MCUB: variants seen among roughly 807,000 people sequenced by gnomAD.
The protein encoded by MCUB is mitochondrial calcium uniporter dominant negative subunit beta.
MCUB carries 46 observed loss-of-function variants against 41.4 expected under a neutral mutation model. The observed-to-expected ratio is 1.11, with a 90% CI of 0.88 to 1.42. MCUB has a LOEUF of 1.42. Among genes scored for constraint, MCUB ranks in the 40% most tolerant of loss-of-function variants. The pLI is 0.00. For synonymous variants in MCUB, 148 were observed against 148.2 expected (o/e 1.00, Z 0.01); for missense variants, 403 against 404.9 (o/e 1.00, Z 0.04).
chr4:109,611,572 TAAC>T (rs1728008285), intron 1 of MCUB, among the ~76,000 whole-genome samples: 2 of 152,204 alleles, frequency 1.3e-5, no homozygotes, highest in South Asian at 4.1e-4. Context: ...CCCTATTGTT[TAAC>T]AACAAAAAAA....
intron 4 of MCUB, among the ~76,000 whole-genome samples, chr4:109,675,340 C>CTA (rs1350260344): frequency 1.3e-5 from 2 of 152,232 alleles, no homozygotes; most frequent in African/African-American, 4.8e-5. Flanking sequence ...CTCTTCTCAA[C>CTA]TAGGCGTTAA....
At chr4:109,670,870 G>A (rs1033061136) in intron 4 of MCUB, among the ~76,000 whole-genome samples, 4 of 152,094 alleles carry the variant, frequency 2.6e-5, no homozygotes, top group Non-Finnish European at 5.9e-5. Context: ...TCACAAAAGT[G>A]TGGGAATGCG....
intron 1 of MCUB, among the ~76,000 whole-genome samples, chr4:109,642,504 C>T (rs1457388450): frequency 3.3e-5 from 5 of 152,156 alleles, no homozygotes; most frequent in Non-Finnish European, 7.3e-5. Context: ...TGTTAGCTGT[C>T]GCTTTTATAC....
rs148256809 is a variant in MCUB at position 109,649,219 on chromosome 4, A to G, written c.100-9792A>G. ...TGATATCAGACAAATGTGGATATCT[A>G]TCTACCACCTTATTCTGTGCATTCT... On this transcript the variant is annotated intron_variant, in intron 1 of 7. Transcript: ENST00000394650. 3.5e-3 allele frequency among the ~76,000 whole-genome samples: 531 copies of G among 152,276 alleles called. 6 individuals carry two copies. Among genetic ancestry groups the G allele is most frequent in the South Asian group, 0.016 (79 of 4,824 alleles).
At chr4:109,685,075 TAAATG>T (rs952623926) in intron 6 of MCUB, 171 bp from the exon 7 acceptor site, 32 of 475,444 alleles carry the variant, frequency 6.7e-5, no homozygotes, top group Non-Finnish European at 1.2e-4. Flanking sequence ...CAGCAGATCT[TAAATG>T]AGACTAAATG....
chr4:109,580,914 T>C (rs913144975), intron 1 of MCUB, among the ~76,000 whole-genome samples: 7 of 152,188 alleles, frequency 4.6e-5, no homozygotes, highest in Non-Finnish European at 1.0e-4. Flanking sequence ...TCCATGCTCA[T>C]GGGTAGGAAG....
At chr4:109,644,798 T>C (rs1728798034) in intron 1 of MCUB, among the ~76,000 whole-genome samples, 1 of 152,244 alleles carries the variant, frequency 6.6e-6, no homozygotes, top group Non-Finnish European at 1.5e-5. Context: ...GTTTGCATTT[T>C]TATTTCTATA....
intron 1 of MCUB, among the ~76,000 whole-genome samples, chr4:109,567,026 T>C (rs964617081): frequency 6.6e-6 from 1 of 151,390 alleles, no homozygotes; most frequent in African/African-American, 2.4e-5. Flanking sequence ...GCCAGGAGAA[T>C]TGGTTGAAGA....
In MCUB at chr4:109,669,698, G is replaced by GT. The variant is rs201836652; in HGVS notation, c.451+5316dup. Among the ~76,000 whole-genome samples, 1,207 of 138,722 alleles carry GT rather than the reference G, an allele frequency of 8.7e-3. 3 individuals carry two copies. The highest frequency in any genetic ancestry group is 0.016 in the African/African-American group (612 of 38,330). The allele number at this position is 138,722 out of a possible 152,430, so 91.0% of individuals were successfully genotyped here. ...TAAAGTTCTTAGATGTTCTGTTCTG[G>GT]TTTTTTTTTTTTCAGTCTTTTTTCT... On this transcript the variant is annotated intron_variant, in intron 4 of 7. Coordinates refer to ENST00000394650, the MANE Select transcript of MCUB (RefSeq NM_017918.5).
intron 1 of MCUB, among the ~76,000 whole-genome samples, chr4:109,613,345 T>C (rs936548825): frequency 2.0e-5 from 3 of 152,180 alleles, no homozygotes; most frequent in African/African-American, 7.2e-5. Context: ...GGAATCCAGG[T>C]ATGCTGAGGT....
rs548995293 is a variant in MCUB at position 109,669,002 on chromosome 4, A to G, written c.451+4608A>G. 1.1e-3 allele frequency among the ~76,000 whole-genome samples: 166 copies of G among 152,194 alleles called. No homozygotes were observed. The Middle Eastern group carries it at 0.014, about 12-fold the overall frequency. ...GTGATTCATAAGCATAGGTATACTA[A>G]GCATACATAGTCAAAACCAGTGTTA... On this transcript the variant is annotated intron_variant, in intron 4 of 7. Transcript: ENST00000394650.
chr4:109,597,774 C>T lies in MCUB; in HGVS notation c.99+37338C>T, dbSNP rs551228492. Among the ~76,000 whole-genome samples the T allele has an allele frequency of 1.8e-4, 27 of 151,108 alleles. 1 individual carries two copies. The highest frequency in any genetic ancestry group is 5.1e-4 in the African/African-American group (21 of 41,142). On this transcript the variant is annotated intron_variant, in intron 1 of 7. Coordinates refer to ENST00000394650, the MANE Select transcript of MCUB (RefSeq NM_017918.5). ...CCTCCCGGACGGGGTGGCTGCCGGG[C>T]GGAGAGGCTCCTCACTTCTCAGACG...
chr4:109,660,238 T>A lies in MCUB; in HGVS notation c.219T>A (p.Leu73=). The A allele has an allele frequency of 1.2e-6, 2 of 1,601,394 alleles. No individual in the cohort carries two copies. Among genetic ancestry groups the A allele is most frequent in the Non-Finnish European group, 1.7e-6 (2 of 1,169,136 alleles). The change falls in exon 3 of 8, where the codon CTT becomes CTA. Residue 73 remains leucine, a synonymous_variant. Transcript: ENST00000394650. ...IYRHGLPLVT[L]TLPSRKERCQ... ...GACATGGCCTTCCCTTGGTAACACT[T>A]ACCTTGCCATCTAGAAAAGAACGTT...
intron 1 of MCUB, among the ~76,000 whole-genome samples, chr4:109,658,319 CAG>C (rs1044660549): frequency 6.6e-6 from 1 of 150,674 alleles, no homozygotes; most frequent in Non-Finnish European, 1.5e-5. Context: ...TTTTTTAAGA[CAG>C]AGTTTTGCTC....
At chr4:109,605,011 G>C (rs1302384215) in intron 1 of MCUB, among the ~76,000 whole-genome samples, 1 of 152,090 alleles carries the variant, frequency 6.6e-6, no homozygotes, top group African/African-American at 2.4e-5. Flanking sequence ...TCTGGTTTTG[G>C]TATCAGGGTA....
chr4:109,668,108 G>T (rs904896183), intron 4 of MCUB, among the ~76,000 whole-genome samples: 2 of 152,010 alleles, frequency 1.3e-5, no homozygotes, highest in Non-Finnish European at 2.9e-5. Context: ...AATGTGTATT[G>T]TGCTGTTGTT....
intron 1 of MCUB, among the ~76,000 whole-genome samples, chr4:109,652,028 T>C (rs1432693844): frequency 6.6e-6 from 1 of 152,242 alleles, no homozygotes; most frequent in Admixed American, 6.5e-5. Context: ...GTTGGTTTCT[T>C]CTGAAGCCTT....
intron 4 of MCUB, among the ~76,000 whole-genome samples, chr4:109,668,698 GTT>G (rs749313225): frequency 2.8e-5 from 4 of 141,398 alleles, no homozygotes; most frequent in African/African-American, 7.7e-5. Flanking sequence ...TGTTGCCACT[GTT>G]TTTTTTTTTC....
intron 4 of MCUB, among the ~76,000 whole-genome samples, chr4:109,675,273 G>A (rs1036444455): frequency 9.9e-5 from 15 of 152,136 alleles, no homozygotes; most frequent in Admixed American, 4.6e-4. Flanking sequence ...TAAACATTTC[G>A]TGCCACTTGA....
Sources: allele counts gnomAD v4.1 joint callset (sites outside exome capture counted in the v4.1 genomes callset), GRCh38; gene constraint gnomAD v4.1.1; transcripts MANE v1.5; gene names NCBI Gene and HGNC (gene_info 2026-07-23, HGNC 2026-07-21).